The following CA7 variants were observed in gnomAD, a reference collection of about 807,000 sequenced individuals.
CA7 encodes carbonic anhydrase 7.
CA7 carries 13 observed loss-of-function variants against 31.4 expected under a neutral mutation model. That is an observed-to-expected ratio of 0.41 (90% CI 0.27 to 0.66). The LOEUF (loss-of-function observed/expected upper bound fraction) is 0.66. Among genes scored for constraint, CA7 ranks in the 30% least tolerant of loss-of-function variants. The pLI, the probability that CA7 is intolerant of heterozygous loss-of-function variation, is 0.28. For missense variants in CA7, 215 were observed against 351.0 expected (o/e 0.61, Z 3.10); for synonymous variants, 128 against 133.2 (o/e 0.96, Z 0.27).
At chr16:66,846,958 C>T in intron 1 of CA7, 72 bp from the exon 2 acceptor site, 2 of 1,301,586 alleles carry the variant, frequency 1.5e-6, no homozygotes, top group African/African-American at 1.5e-5. Context: ...GACCATTCCC[C>T]TATGGGTGTC....
rs774627030 is a variant in CA7, at chr16:66,844,502, C to T, written c.15C>T (p.His5=). 4 of 1,543,462 alleles carry T rather than the reference C, an allele frequency of 2.6e-6. No homozygotes were observed. In the South Asian group the frequency reaches 4.8e-5, roughly 19 times the overall value. The change falls in exon 1 of 7, where the codon CAC becomes CAT. Residue 5 remains histidine, a synonymous_variant. Coordinates refer to ENST00000338437, the MANE Select transcript of CA7 (RefSeq NM_005182.3). The part of the protein sequence containing the change: MTGH[H]GWGYGQDDGP... ...ACGGCAGCGGCATGACCGGCCACCA[C>T]GGCTGGGGCTACGGCCAGGACGACG...
chr16:66,852,289 C>T (rs371746863), intron 5 of CA7, among the ~76,000 whole-genome samples: 15 of 151,996 alleles, frequency 9.9e-5, no homozygotes, highest in Middle Eastern at 3.4e-3. Context: ...ATGGTGAAAC[C>T]CTGTCTCTAC....
At chr16:66,845,745 T>C (rs188224679) in intron 1 of CA7, among the ~76,000 whole-genome samples, 364 of 152,288 alleles carry the variant, frequency 2.4e-3, no homozygotes, top group Admixed American at 4.4e-3. Context: ...CAGAGTCCCC[T>C]GCCTCCAGCT....
chr16:66,850,755 G>A (rs1186609922), intron 3 of CA7, 96 bp downstream of exon 3: 2 of 914,982 alleles, frequency 2.2e-6, no homozygotes, highest in Non-Finnish European at 3.6e-6. Context: ...TCGGGCCTTG[G>A]AGAGGGGGAA....
chr16:66,850,574 G>T lies in CA7; in HGVS notation c.272G>T (p.Arg91Leu). 1 of 1,613,844 alleles carries T rather than the reference G, an allele frequency of 6.2e-7. No homozygotes were observed. The highest frequency in any genetic ancestry group is 8.5e-7 in the Non-Finnish European group (1 of 1,179,770). Reference protein sequence around the residue: ...VTGGPLEGPYRLKQFHFHWGK... With the variant: ...VTGGPLEGPYLLKQFHFHWGK... ...GGGGGCCCCCTGGAAGGGCCCTACCGCCTCAAGCAGTTTCACTTCCACTGG... is the reference window on the plus strand; with the variant it reads ...GGGGGCCCCCTGGAAGGGCCCTACCTCCTCAAGCAGTTTCACTTCCACTGG... Residue 91 changes from arginine to leucine, a missense_variant, in exon 3 of 7, where the codon CGC (arginine) becomes CTC (leucine). Arg to Leu is a moderately radical substitution (Grantham distance 102). Coordinates refer to ENST00000338437, the MANE Select transcript of CA7 (RefSeq NM_005182.3).
At chr16:66,844,897 G>A in intron 1 of CA7, 1 of 1,056,236 alleles carries the variant, frequency 9.5e-7, no homozygotes, top group East Asian at 6.7e-5. Context: ...GGGCGCCGCG[G>A]AGCGCTGTGC....
At position 66,845,006 on chromosome 16, in the gene CA7, C is replaced by A. The variant is rs938293101; in HGVS notation, c.40+479C>A. ...CGCAGTGTCCCCCGGAGAGAATTTC[C>A]CCGCAGAAGTGGCCGAGCTGCCTTC... On this transcript the variant is annotated intron_variant, in intron 1 of 6. Coordinates refer to ENST00000338437, the MANE Select transcript of CA7 (RefSeq NM_005182.3). 5 of 988,088 alleles carry A rather than the reference C, an allele frequency of 5.1e-6. No individual in the cohort carries two copies. In the African/African-American group the frequency reaches 7.0e-5, roughly 14 times the overall value. The allele number at this position is 988,088 out of a possible 1,614,324, so 61.2% of individuals were successfully genotyped here. A position where few individuals can be genotyped will look rare whatever the true frequency, so the allele number is the denominator to read the frequency against.
chr16:66,851,435 G>C (rs770563826), intron 3 of CA7, 28 bp from the exon 4 acceptor site: 1 of 1,593,196 alleles, frequency 6.3e-7, no homozygotes, highest in Non-Finnish European at 8.6e-7. Context: ...TGGGAGGCAC[G>C]AAGCATTGGC....
chr16:66,849,332 G>T (rs1960991049), intron 2 of CA7, among the ~76,000 whole-genome samples: 1 of 152,172 alleles, frequency 6.6e-6, no homozygotes, highest in Non-Finnish European at 1.5e-5. Context: ...ACCCTCAGGA[G>T]CTACCCTCCT....
intron 2 of CA7, among the ~76,000 whole-genome samples, chr16:66,849,089 T>G (rs1246206124): frequency 6.6e-6 from 1 of 152,068 alleles, no homozygotes; most frequent in Admixed American, 6.5e-5. Flanking sequence ...ACTCTGAGCC[T>G]GGGGTGTTAT....
Position 66,850,536 on chromosome 16 carries a change from C to T in CA7, c.239-5C>T, listed in dbSNP as rs926444515. 1 of 1,555,274 alleles carries T rather than the reference C, an allele frequency of 6.4e-7. No homozygotes were observed. Among genetic ancestry groups the T allele is most frequent in the East Asian group, 2.2e-5 (1 of 44,622 alleles). On this transcript the variant is annotated splice_polypyrimidine_tract_variant and splice_region_variant and intron_variant, in intron 2 of 6. Coordinates refer to ENST00000338437, the MANE Select transcript of CA7 (RefSeq NM_005182.3). ...CATTGCCACTCGCCCCACTTCTACC[C>T]ACAGTGGTGACTGGGGGCCCCCTGG...
At chr16:66,845,416 T>G (rs1960908977) in intron 1 of CA7, among the ~76,000 whole-genome samples, 1 of 151,974 alleles carries the variant, frequency 6.6e-6, no homozygotes, top group South Asian at 2.1e-4. Flanking sequence ...CCAGCCCCAC[T>G]CCTCTGCGGA....
At chr16:66,849,315 G>C (rs1960990642) in intron 2 of CA7, among the ~76,000 whole-genome samples, 1 of 152,184 alleles carries the variant, frequency 6.6e-6, no homozygotes, top group South Asian at 2.1e-4. Flanking sequence ...TGTCCAGGAA[G>C]GTAGAGACCC....
intron 2 of CA7, among the ~76,000 whole-genome samples, chr16:66,849,757 G>A (rs943953581): frequency 6.6e-6 from 1 of 152,128 alleles, no homozygotes; most frequent in East Asian, 1.9e-4. Flanking sequence ...GCCACCTGCC[G>A]GCTGTCAGGA....
chr16:66,851,395 G>A, intron 3 of CA7, 68 bp from the exon 4 acceptor site: 5 of 1,290,574 alleles, frequency 3.9e-6, no homozygotes, highest in Non-Finnish European at 5.6e-6. Context: ...TGGGAGTGAG[G>A]GGAGCCTGGC....
At chr16:66,850,376 G>A (rs1246667431) in intron 2 of CA7, among the ~76,000 whole-genome samples, 165 bp from the exon 3 acceptor site, 2 of 152,256 alleles carry the variant, frequency 1.3e-5, no homozygotes, top group Admixed American at 1.3e-4. Flanking sequence ...AGGAGGTTGA[G>A]GCTATCATAA....
chr16:66,852,894 A>G, intron 6 of CA7, 27 bp downstream of exon 6: 1 of 1,604,786 alleles, frequency 6.2e-7, no homozygotes, highest in Non-Finnish European at 8.5e-7. Flanking sequence ...GACCAGATGG[A>G]GGGACATGGC....
chr16:66,847,333 C>T (rs1960950587), intron 2 of CA7, 106 bp downstream of exon 2: 2 of 933,840 alleles, frequency 2.1e-6, no homozygotes, highest in East Asian at 2.6e-5. Flanking sequence ...AAGAAAGGTT[C>T]CTCCTCTCAC....
chr16:66,846,258 G>A (rs1276164334), intron 1 of CA7, among the ~76,000 whole-genome samples: 2 of 152,160 alleles, frequency 1.3e-5, no homozygotes, highest in African/African-American at 4.8e-5. Flanking sequence ...TCCAACAGAG[G>A]GGTTTGTGTG....
Sources: allele counts gnomAD v4.1 joint callset (sites outside exome capture counted in the v4.1 genomes callset), GRCh38; gene constraint gnomAD v4.1.1; transcripts MANE v1.5; gene names NCBI Gene and HGNC (gene_info 2026-07-23, HGNC 2026-07-21).